Variants in CEP250 observed in about 807,000 individuals in gnomAD.
The protein encoded by CEP250 is centrosomal protein 250.
Under a neutral mutation model 315.7 loss-of-function variants are expected in CEP250, and 242 were observed. That is an observed-to-expected ratio of 0.77 (90% CI 0.69 to 0.85). The LOEUF (loss-of-function observed/expected upper bound fraction) is 0.85. Among genes scored for constraint, CEP250 ranks in the 40% least tolerant of loss-of-function variants. The pLI is 0.00. For synonymous variants in CEP250, 1,088 were observed against 1,175.0 expected (o/e 0.93, Z 1.51); for missense variants, 2,515 against 2,886.4 (o/e 0.87, Z 2.95).
intron 34 of CEP250, 44 bp downstream of exon 34, chr20:35,510,098 C>G (rs958714074): frequency 1.3e-6 from 2 of 1,566,146 alleles, no homozygotes; most frequent in Admixed American, 1.7e-5. Flanking sequence ...CCCTTGCACT[C>G]AGGCCCTTTG....
chr20:35,470,190 A>G, intron 10 of CEP250: 4 of 590,270 alleles, frequency 6.8e-6, no homozygotes, highest in Non-Finnish European at 1.2e-5. Flanking sequence ...TACTATCCCT[A>G]CTGTATTCCT....
chr20:35,510,478 T>C (rs1033218041), intron 34 of CEP250, among the ~76,000 whole-genome samples: 3 of 152,090 alleles, frequency 2.0e-5, no homozygotes, highest in Admixed American at 1.3e-4. Flanking sequence ...ACAGCTCAGC[T>C]CAAGCCGCCA....
chr20:35,493,642 G>T (rs987819618), intron 23 of CEP250, 70 bp downstream of exon 23: 11 of 1,410,870 alleles, frequency 7.8e-6, no homozygotes, highest in Non-Finnish European at 9.4e-6. Flanking sequence ...ACTTCCTCTT[G>T]CAGGACAGGG....
In CEP250 at chr20:35,504,254, G is replaced by A. The variant is rs760748107; in HGVS notation, c.5885G>A (p.Arg1962Gln). ...CATCAGGAGGAGGCTGCCCGGGCCCGGGCTGAGGCTCTGCAGGAGGCCCTT... is the reference window on the plus strand; with the variant it reads ...CATCAGGAGGAGGCTGCCCGGGCCCAGGCTGAGGCTCTGCAGGAGGCCCTT... Reference protein sequence around the residue: ...SRHQEEAARARAEALQEALGK... With the variant: ...SRHQEEAARAQAEALQEALGK... Residue 1962 changes from arginine (R) to glutamine (Q), a missense_variant, in exon 30 of 35, where the codon CGG (arginine) becomes CAG (glutamine). By Grantham distance (43) the Arg-to-Gln change is conservative. Transcript: ENST00000397527. 16 of 1,597,768 alleles carry A rather than the reference G, an allele frequency of 1.0e-5. No homozygotes were observed. The highest frequency in any genetic ancestry group is 1.7e-4 in the Middle Eastern group (1 of 6,036).
rs558238502 is a variant in CEP250, at chr20:35,462,694, C to T, written c.186+141C>T. 3.8e-5 allele frequency: 24 copies of T among 638,618 alleles called. No homozygotes were observed. The African/African-American group carries it at 3.8e-4, about 10-fold the overall frequency. 39.6% of individuals were successfully genotyped at this position (638,618 alleles called of 1,614,324 possible). ...CATGGTGAGATAAGACCCAGACCTT[C>T]TAGCTTTCATGTACAGCTTCTCTTT... On this transcript the variant is annotated intron_variant, in intron 4 of 34. Coordinates refer to ENST00000397527, the MANE Select transcript of CEP250 (RefSeq NM_007186.6).
At chr20:35,460,501 C>T (rs1468085513) in intron 3 of CEP250, among the ~76,000 whole-genome samples, 1 of 152,152 alleles carries the variant, frequency 6.6e-6, no homozygotes, top group African/African-American at 2.4e-5. Context: ...AGGGGGCAGG[C>T]ACTATACAAC....
intron 22 of CEP250, among the ~76,000 whole-genome samples, chr20:35,491,656 A>G (rs1264001160): frequency 1.3e-5 from 2 of 152,154 alleles, no homozygotes; most frequent in African/African-American, 4.8e-5. Context: ...TAATCCCAGC[A>G]CATTGGGAGG....
chr20:35,488,865 A>G (rs2063600369), intron 20 of CEP250, among the ~76,000 whole-genome samples: 1 of 152,072 alleles, frequency 6.6e-6, no homozygotes. Context: ...TTCCAGGTAG[A>G]AGGAAGCATG....
In CEP250 at chr20:35,479,491, C is replaced by T. The variant is rs2063278218; in HGVS notation, c.2288+67C>T. The T allele has an allele frequency of 2.6e-6, 4 of 1,556,692 alleles. No homozygotes were observed. In the African/African-American group the frequency reaches 4.1e-5, roughly 16 times the overall value. ...TGCAAGGCAAAGGCGTGAAGCTAAG[C>T]TCCCTGCCATAAGTATGCAGGTCCT... On this transcript the variant is annotated intron_variant, in intron 18 of 34. Coordinates refer to ENST00000397527, the MANE Select transcript of CEP250 (RefSeq NM_007186.6).
rs2063778323 is a variant in CEP250, at chr20:35,494,356, GA to G, written c.3034-166del. The G allele has an allele frequency of 6.2e-6, 5 of 803,796 alleles. No individual in the cohort carries two copies. The Admixed American group carries it at 1.2e-4, about 20-fold the overall frequency. 49.8% of individuals were successfully genotyped at this position (803,796 alleles called of 1,614,324 possible). A position where few individuals can be genotyped will look rare whatever the true frequency, so the allele number is the denominator to read the frequency against. On this transcript the variant is annotated intron_variant, in intron 23 of 34. Coordinates refer to ENST00000397527, the MANE Select transcript of CEP250 (RefSeq NM_007186.6). ...GATGACCAGGCCGAATTGTATTGAGGAAGGGGGTGGTTAAGAACAGTGTGTA... is the reference window on the plus strand; with the variant it reads ...GATGACCAGGCCGAATTGTATTGAGGAGGGGGTGGTTAAGAACAGTGTGTA...
Position 35,510,061 on chromosome 20 carries a change from T to C in CEP250, c.7065+7T>C. ...GGCTGAACTGCAGAAAGAGGTATGT[T>C]CTGGATTTTCTAAGCCCATATTCCC... is the stretch of plus-strand genomic sequence containing the variant. On this transcript the variant is annotated splice_region_variant and intron_variant, in intron 34 of 34. Transcript: ENST00000397527. 1 of 1,613,922 alleles carries C rather than the reference T, an allele frequency of 6.2e-7. No individual in the cohort carries two copies. The highest frequency in any genetic ancestry group is 1.1e-5 in the South Asian group (1 of 91,088).
At chr20:35,479,096 G>T (rs1016230183) in intron 17 of CEP250, 135 bp from the exon 18 acceptor site, 2 of 773,856 alleles carry the variant, frequency 2.6e-6, no homozygotes, top group South Asian at 1.8e-5. Flanking sequence ...TAAATGCCAC[G>T]TGCTATTGGG....
At chr20:35,466,311 C>T in intron 7 of CEP250, 107 bp downstream of exon 7, 3 of 1,314,258 alleles carry the variant, frequency 2.3e-6, no homozygotes, top group Non-Finnish European at 3.1e-6. Flanking sequence ...GAAAACTGAG[C>T]TGTTGCTGTT....
At chr20:35,478,895 G>A (rs919107964) in intron 17 of CEP250, among the ~76,000 whole-genome samples, 2 of 152,078 alleles carry the variant, frequency 1.3e-5, no homozygotes, top group African/African-American at 4.8e-5. Context: ...CCTAATAATT[G>A]TACGGACTCT....
chr20:35,466,840 A>T, intron 7 of CEP250, 126 bp from the exon 8 acceptor site: 1 of 646,584 alleles, frequency 1.5e-6, no homozygotes, highest in Non-Finnish European at 2.8e-6. Flanking sequence ...ATAGATACCC[A>T]TTCATAAACT....
rs746586998 is a variant in CEP250, at chr20:35,467,554, C to T, written c.850C>T (p.Arg284Trp). ...GDLEKAELQD[R>W]VTELSALLTQ... ...TCTGGAGAAGGCTGAACTTCAGGAC[C>T]GGTGAGATGGCCTGGGGTCCCAAGA... Residue 284 changes from arginine (R) to tryptophan (W), a missense_variant and splice_region_variant, in exon 9 of 35, where the codon CGG becomes TGG. Transcript: ENST00000397527. 1.5e-5 allele frequency: 24 copies of T among 1,612,734 alleles called. No homozygotes were observed. The highest frequency in any genetic ancestry group is 2.2e-5 in the South Asian group (2 of 91,028).
rs1357073380 is a variant in CEP250 at position 35,509,036 on chromosome 20, A to G, written c.7000A>G (p.Thr2334Ala). ...CAGCAAGGCCACGGCTTCTTCACCC[A>G]CACAGCAGGTTTACTCATTTTCCTC... Reference protein sequence around the residue: ...EISKATASSPTQQDGRGQKNS... With the variant: ...EISKATASSPAQQDGRGQKNS... The change falls in exon 33 of 35, where the codon ACA becomes GCA. Residue 2334 changes from threonine (T) to alanine (A), a missense_variant. Coordinates refer to ENST00000397527, the MANE Select transcript of CEP250 (RefSeq NM_007186.6). 6.4e-7 allele frequency: 1 copy of G among 1,554,906 alleles called. No individual in the cohort carries two copies. Among genetic ancestry groups the G allele is most frequent in the Non-Finnish European group, 8.7e-7 (1 of 1,148,612 alleles).
chr20:35,475,791 ACCCTC>A, intron 15 of CEP250, 145 bp downstream of exon 15: 5 of 833,940 alleles, frequency 6.0e-6, no homozygotes, highest in Non-Finnish European at 9.3e-6. Context: ...ATTCCAACAT[ACCCTC>A]TATATTGGAA....
At chr20:35,466,349 A>T (rs2062877491) in intron 7 of CEP250, 145 bp downstream of exon 7, 1 of 998,434 alleles carries the variant, frequency 1.0e-6, no homozygotes. Flanking sequence ...TTACCTGCGC[A>T]TGCTGGCAGC....
Sources: allele counts gnomAD v4.1 joint callset (sites outside exome capture counted in the v4.1 genomes callset), GRCh38; gene constraint gnomAD v4.1.1; transcripts MANE v1.5; gene names NCBI Gene and HGNC (gene_info 2026-07-23, HGNC 2026-07-21).